The following ACSM2A variants were observed in gnomAD, a reference collection of about 807,000 sequenced individuals.
ACSM2A encodes acyl-CoA synthetase medium chain family member 2A.
In ACSM2A, 72 loss-of-function variants were observed where a neutral mutation model predicts 76.6. The ratio of observed to expected loss-of-function variants is 0.94; its 90% CI spans 0.78 to 1.14. The LOEUF is 1.14. ACSM2A is among the 50% of genes most tolerant of loss of function. The pLI, the probability that ACSM2A is intolerant of heterozygous loss-of-function variation, is 0.00. For missense variants in ACSM2A, 684 were observed against 708.5 expected (o/e 0.97, Z 0.39); for synonymous variants, 249 against 255.9 (o/e 0.97, Z 0.26).
intron 10 of ACSM2A, among the ~76,000 whole-genome samples, chr16:20,480,233 C>T (rs578076517): frequency 1.3e-5 from 2 of 152,220 alleles, no homozygotes; most frequent in African/African-American, 4.8e-5. Flanking sequence ...TTGAGTGGTG[C>T]TATGGAGTGA....
intron 1 of ACSM2A, 133 bp from the exon 2 acceptor site, chr16:20,459,974 T>A: frequency 7.1e-7 from 1 of 1,404,674 alleles, no homozygotes. Context: ...GAGTGCCAAT[T>A]TACTCATAAC....
At chr16:20,474,034 T>C (rs1453303353) in intron 6 of ACSM2A, 5 of 448,914 alleles carry the variant, frequency 1.1e-5, no homozygotes, top group African/African-American at 1.0e-4. Context: ...CCGCTTCAAG[T>C]TGCCCCACCT....
chr16:20,459,997 A>G (rs1226505224), intron 1 of ACSM2A, 110 bp from the exon 2 acceptor site: 11 of 1,437,168 alleles, frequency 7.7e-6, no homozygotes, highest in Non-Finnish European at 9.2e-6. Context: ...CAGCAAATTA[A>G]TTCCTGGGAA....
At chr16:20,464,747 T>C (rs576583308) in intron 2 of ACSM2A, among the ~76,000 whole-genome samples, 3 of 151,850 alleles carry the variant, frequency 2.0e-5, no homozygotes, top group African/African-American at 7.2e-5. Context: ...ATTCATAGAG[T>C]CGGAAAGTAG....
intron 3 of ACSM2A, among the ~76,000 whole-genome samples, chr16:20,468,784 T>C (rs1297073775): frequency 2.0e-5 from 3 of 152,222 alleles, no homozygotes; most frequent in African/African-American, 7.2e-5. Flanking sequence ...GTGCAAGGAA[T>C]AAGTCTAATG....
chr16:20,472,007 G>A (rs545693616), intron 6 of ACSM2A, among the ~76,000 whole-genome samples: 22 of 152,290 alleles, frequency 1.4e-4, no homozygotes, highest in African/African-American at 5.1e-4. Context: ...ACGTGTAAAA[G>A]GGAAAGCTGG....
intron 8 of ACSM2A, chr16:20,476,025 T>C: frequency 9.5e-7 from 1 of 1,052,856 alleles, no homozygotes; most frequent in Non-Finnish European, 1.2e-6. Flanking sequence ...ATATCTAGCA[T>C]GGCAGGTGGT....
chr16:20,467,969 A>G (rs373749485), intron 3 of ACSM2A, among the ~76,000 whole-genome samples: 5 of 152,094 alleles, frequency 3.3e-5, no homozygotes, highest in African/African-American at 9.6e-5. Flanking sequence ...CCCACCTCAT[A>G]TTCTGGGGAC....
chr16:20,477,163 T>G (rs2013791249), intron 8 of ACSM2A: 2 of 845,610 alleles, frequency 2.4e-6, no homozygotes, highest in Admixed American at 7.2e-5. Flanking sequence ...GTAGATGGGT[T>G]GCTTCCTGAA....
At chr16:20,481,802 A>G (rs1030663512) in intron 12 of ACSM2A, 1 of 136,576 alleles carries the variant, frequency 7.3e-6, no homozygotes, top group African/African-American at 2.7e-5. Flanking sequence ...GATAATTACC[A>G]TATTTGCGTG....
chr16:20,467,448 TGAA>T lies in ACSM2A; in HGVS notation c.388+1727_388+1729del, dbSNP rs549116929. ...ATTGGATGCTCAATAGGGAATGGGA[TGAA>T]GAAGACAATAGTGGGGTTGGAAATC... On this transcript the variant is annotated intron_variant, in intron 3 of 13. Coordinates refer to ENST00000573854, the MANE Select transcript of ACSM2A (RefSeq NM_001308172.2). 7.0e-4 allele frequency among the ~76,000 whole-genome samples: 106 copies of T among 152,282 alleles called. 1 individual carries two copies. The highest frequency in any genetic ancestry group is 2.5e-3 in the African/African-American group (103 of 41,570).
chr16:20,483,138 T>C lies in ACSM2A; in HGVS notation c.1590T>C (p.His530=), dbSNP rs1328783794. 6 of 1,613,974 alleles carry C rather than the reference T, an allele frequency of 3.7e-6. No homozygotes were observed. The highest frequency in any genetic ancestry group is 5.1e-6 in the Non-Finnish European group (6 of 1,180,004). ...PEQLTKELQQ[H]VKSVTAPYKY... ...AGCTCACCAAGGAGCTGCAGCAGCA[T>C]GTGAAGTCAGTGACAGCCCCATACA... Residue 530 remains histidine, a synonymous_variant, in exon 13 of 14, where the codon CAT becomes CAC. Coordinates refer to ENST00000573854, the MANE Select transcript of ACSM2A (RefSeq NM_001308172.2).
At position 20,480,849 on chromosome 16, in the gene ACSM2A, G is replaced by C. The variant is rs149737523; in HGVS notation, c.1437G>C (p.Glu479Asp). The C allele has an allele frequency of 2.5e-6, 4 of 1,613,990 alleles. No homozygotes were observed. The East Asian group carries it at 6.7e-5, about 27-fold the overall frequency. Residue 479 changes from glutamate to aspartate, a missense_variant, in exon 12 of 14, where the codon GAG becomes GAC. Physicochemically the swap from Glu to Asp is conservative, Grantham distance 45 (BLOSUM62 2). Transcript: ENST00000573854. Reference protein sequence around the residue: ...SGYRIGPSEVENALMEHPAVV... With the variant: ...SGYRIGPSEVDNALMEHPAVV... ...ACCGGATTGGACCCTCGGAGGTAGAGAATGCACTGATGGAGCACCCTGCTG... is the reference window on the plus strand; with the variant it reads ...ACCGGATTGGACCCTCGGAGGTAGACAATGCACTGATGGAGCACCCTGCTG...
intron 9 of ACSM2A, 138 bp downstream of exon 9, chr16:20,477,587 G>A: frequency 7.0e-7 from 1 of 1,431,006 alleles, no homozygotes; most frequent in Non-Finnish European, 9.2e-7. Flanking sequence ...AGGAGGTAGG[G>A]AGGTTGGGGG....
chr16:20,473,212 G>C (rs915810114), intron 6 of ACSM2A, among the ~76,000 whole-genome samples: 4 of 152,118 alleles, frequency 2.6e-5, no homozygotes, highest in Non-Finnish European at 5.9e-5. Flanking sequence ...CAAAAAGTCA[G>C]GTGTGATCTG....
chr16:20,483,724 G>T (rs2014244730), intron 13 of ACSM2A, among the ~76,000 whole-genome samples: 1 of 151,946 alleles, frequency 6.6e-6, no homozygotes, highest in Admixed American at 6.6e-5. Context: ...GTTCTAGCCA[G>T]TATCTTACCT....
intron 2 of ACSM2A, among the ~76,000 whole-genome samples, chr16:20,461,279 C>A (rs1364838236): frequency 3.9e-4 from 59 of 149,528 alleles, no homozygotes; most frequent in South Asian, 1.3e-3. Context: ...GAAGACGGCC[C>A]TAGGTGTGGG....
intron 1 of ACSM2A, among the ~76,000 whole-genome samples, chr16:20,457,141 C>T (rs1479448980): frequency 1.3e-5 from 2 of 151,506 alleles, no homozygotes; most frequent in African/African-American, 2.4e-5. Flanking sequence ...TAACAAGCAG[C>T]GAGATTAAAA....
intron 8 of ACSM2A, chr16:20,475,988 T>C: frequency 8.1e-7 from 1 of 1,230,294 alleles, no homozygotes; most frequent in African/African-American, 1.5e-5. Context: ...CCAGTGAGAT[T>C]TGGGGAGAGA....
Sources: gnomAD v4.1 joint callset for allele counts (sites outside exome capture counted in the v4.1 genomes callset) on GRCh38, gnomAD v4.1.1 for gene constraint, MANE v1.5 for transcripts, NCBI Gene and HGNC (gene_info 2026-07-23, HGNC 2026-07-21) for gene names.